GCN1: variants seen among roughly 807,000 people sequenced by gnomAD.
The protein encoded by GCN1 is stalled ribosome sensor GCN1.
A neutral mutation model predicts 288.4 loss-of-function variants in GCN1; 90 were observed. That is an observed-to-expected ratio of 0.31 (90% confidence interval 0.26 to 0.37). The LOEUF (loss-of-function observed/expected upper bound fraction) is 0.37. GCN1 is among the 10% of genes least tolerant of loss of function. GCN1 has a pLI of 1.00. For synonymous variants in GCN1, 1,386 were observed against 1,420.2 expected (o/e 0.98, Z 0.54); for missense variants, 2,586 against 3,419.9 (o/e 0.76, Z 6.08).
intron 45 of GCN1, among the ~76,000 whole-genome samples, chr12:120,139,418 G>T (rs567362473): frequency 6.6e-6 from 1 of 152,248 alleles, no homozygotes; most frequent in East Asian, 1.9e-4. Flanking sequence ...CTTGAGGCCA[G>T]GAGTTTGAGA....
chr12:120,148,073 G>T, intron 37 of GCN1, 94 bp downstream of exon 37: 1 of 863,154 alleles, frequency 1.2e-6, no homozygotes, highest in South Asian at 1.7e-5. Context: ...CGGAGGCAAA[G>T]ATCTTAGCTG....
chr12:120,129,470 T>C lies in GCN1; in HGVS notation c.7696A>G (p.Ile2566Val). 1.9e-6 allele frequency: 3 copies of C among 1,613,734 alleles called. No homozygotes were observed. Among genetic ancestry groups the C allele is most frequent in the Non-Finnish European group, 2.5e-6 (3 of 1,179,618 alleles). The change falls in exon 57 of 58, where the codon ATC becomes GTC. Residue 2566 changes from isoleucine (I) to valine (V), a missense_variant. Physicochemically the swap from Ile to Val is conservative, Grantham distance 29. Transcript: ENST00000300648. Reference sequence around the variant, plus strand: ...ATCATCTTCTCAGCCACCAGCCTGATGTCGCTGGATGGGTTCTGCAGACAC... The same window carrying C: ...ATCATCTTCTCAGCCACCAGCCTGACGTCGCTGGATGGGTTCTGCAGACAC... Reference protein sequence around the residue: ...VKCLQNPSSDIRLVAEKMIWW... With the variant: ...VKCLQNPSSDVRLVAEKMIWW...
intron 37 of GCN1, among the ~76,000 whole-genome samples, chr12:120,147,707 G>A (rs1877406973): frequency 6.6e-6 from 1 of 152,170 alleles, no homozygotes; most frequent in Non-Finnish European, 1.5e-5. Flanking sequence ...TACTGACTGG[G>A]CACTGGCAGC....
rs779047760 is a variant in GCN1, at chr12:120,127,867, G to A, written c.7998C>T (p.Asp2666=). ...ASQADSTEQV[D]DTILT ...AGGCCTCTCATGTCAGGATGGTGTC[G>A]TCCACCTGCTCCGTGGAGTCGGCCT... is the stretch of plus-strand genomic sequence containing the variant. Residue 2666 remains aspartate (D), a synonymous_variant, in exon 58 of 58, where the codon GAC becomes GAT. Transcript: ENST00000300648. The A allele has an allele frequency of 1.9e-5, 30 of 1,613,610 alleles. 1 individual carries two copies. Among genetic ancestry groups the A allele is most frequent in the African/African-American group, 1.1e-4 (8 of 74,924 alleles).
chr12:120,140,870 T>G lies in GCN1; in HGVS notation c.5983A>C (p.Ser1995Arg). The G allele has an allele frequency of 1.2e-6, 2 of 1,613,780 alleles. No individual in the cohort carries two copies. Among genetic ancestry groups the G allele is most frequent in the Non-Finnish European group, 1.7e-6 (2 of 1,179,840 alleles). The change falls in exon 45 of 58, where the codon AGC becomes CGC. Residue 1995 changes from serine (S) to arginine (R), a missense_variant. By Grantham distance (110) the Ser-to-Arg change is moderately radical. This residue lies in a region of GCN1 where 437 missense variants were observed against 570.5 expected (regional missense o/e 0.77). Transcript: ENST00000300648. ...IGLSEIMKST[S>R]RDAVLYFSES... The stretch of plus-strand genomic sequence containing the variant: ...TGGAAGATACTCACGGCATCCCGGC[T>G]GGTGGACTTCATGATCTCACTTAGG...
chr12:120,144,460 G>A lies in GCN1; in HGVS notation c.5353-12C>T. ...TCATCAGCAAGAGCCTGGGCACACAGAGGGTGGGTCAGCCAGAGCTGCCAC... is the reference window on the plus strand; with the variant it reads ...TCATCAGCAAGAGCCTGGGCACACAAAGGGTGGGTCAGCCAGAGCTGCCAC... On this transcript the variant is annotated splice_polypyrimidine_tract_variant and intron_variant, in intron 41 of 57. Coordinates refer to ENST00000300648, the MANE Select transcript of GCN1 (RefSeq NM_006836.2). This position sits in a 1 kb window ranked among gnomAD's most constrained non-coding sequence, Gnocchi z 4.7. The A allele has an allele frequency of 6.2e-7, 1 of 1,609,834 alleles. No homozygotes were observed. The highest frequency in any genetic ancestry group is 2.2e-5 in the East Asian group (1 of 44,806).
chr12:120,187,730 G>A (rs1384039761), intron 2 of GCN1, among the ~76,000 whole-genome samples: 1 of 151,916 alleles, frequency 6.6e-6, no homozygotes, highest in Non-Finnish European at 1.5e-5. Context: ...AAGTAGCTGG[G>A]GCTACAGCAC....
intron 16 of GCN1, among the ~76,000 whole-genome samples, chr12:120,167,710 T>C (rs1368939905): frequency 2.0e-5 from 3 of 152,182 alleles, no homozygotes; most frequent in African/African-American, 7.2e-5. Context: ...TGTAGCTCAT[T>C]AATGGGATGT....
intron 5 of GCN1, among the ~76,000 whole-genome samples, chr12:120,181,264 G>C (rs146359729): frequency 6.6e-6 from 1 of 151,440 alleles, no homozygotes; most frequent in South Asian, 2.1e-4. Flanking sequence ...CCAGGAGTTC[G>C]AGACCAACCC....
intron 35 of GCN1, 51 bp from the exon 36 acceptor site, chr12:120,149,771 C>T (rs752938304): frequency 6.5e-7 from 1 of 1,541,674 alleles, no homozygotes; most frequent in Non-Finnish European, 9.0e-7. Context: ...AAGCAAGGGG[C>T]AAGGCCTGAC....
chr12:120,153,194 CAGGCCAGAT>C lies in GCN1; in HGVS notation c.4062+10_4062+18del. On this transcript the variant is annotated intron_variant, in intron 33 of 57. Transcript: ENST00000300648. The surrounding 1 kb of genome is among the most constrained non-coding windows in gnomAD (Gnocchi z 4.4). ...AATTCTCTAACCGACATGTGGGTCC[CAGGCCAGAT>C]GGCAGGTACCTGCTGGGAGGGGGTG... 6.2e-7 allele frequency: 1 copy of C among 1,610,764 alleles called. No homozygotes were observed. Among genetic ancestry groups the C allele is most frequent in the Non-Finnish European group, 8.5e-7 (1 of 1,177,236 alleles).
chr12:120,194,088 T>C (rs1879092274), intron 1 of GCN1, among the ~76,000 whole-genome samples: 1 of 152,232 alleles, frequency 6.6e-6, no homozygotes, highest in Admixed American at 6.5e-5. Context: ...ACAACCAACA[T>C]ATATCAAGCC....
intron 2 of GCN1, among the ~76,000 whole-genome samples, chr12:120,189,489 A>G (rs1430175654): frequency 2.7e-5 from 4 of 150,616 alleles, no homozygotes; most frequent in African/African-American, 9.8e-5. Flanking sequence ...CAGCCTCCCT[A>G]GTAGCTGGGA....
chr12:120,175,100 C>G (rs1878435854), intron 12 of GCN1, 62 bp downstream of exon 12: 2 of 1,455,936 alleles, frequency 1.4e-6, no homozygotes, highest in Admixed American at 2.0e-5. Flanking sequence ...GCACTCTATC[C>G]TAGATGACAC....
At chr12:120,141,122 A>G (rs565976127) in intron 44 of GCN1, 99 bp from the exon 45 acceptor site, 1 of 983,398 alleles carries the variant, frequency 1.0e-6, no homozygotes, top group South Asian at 1.5e-5. Flanking sequence ...CCCAGGCTTT[A>G]TCTGAATCAC....
chr12:120,159,445 A>C (rs1877858223), intron 24 of GCN1, among the ~76,000 whole-genome samples: 1 of 152,172 alleles, frequency 6.6e-6, no homozygotes, highest in Non-Finnish European at 1.5e-5. Flanking sequence ...GAGGAAGCTA[A>C]AGGTCTCAAG....
intron 12 of GCN1, 124 bp downstream of exon 12, chr12:120,175,038 G>C: frequency 1.4e-6 from 1 of 740,154 alleles, no homozygotes; most frequent in South Asian, 1.7e-5. Flanking sequence ...GAGGCATGAG[G>C]ATCGCTTGAA....
chr12:120,154,898 A>T (rs1877688762), intron 31 of GCN1, 72 bp downstream of exon 31: 3 of 1,390,632 alleles, frequency 2.2e-6, no homozygotes, highest in Non-Finnish European at 3.1e-6. Flanking sequence ...CTGCCTCCTC[A>T]CAGCACCCAC....
chr12:120,175,581 C>T (rs1272060224), intron 11 of GCN1, among the ~76,000 whole-genome samples, 165 bp downstream of exon 11: 3 of 152,192 alleles, frequency 2.0e-5, no homozygotes, highest in African/African-American at 4.8e-5. Context: ...ACCCCGTGCA[C>T]GGTTTTGTTC....
Sources: allele counts gnomAD v4.1 joint callset (sites outside exome capture counted in the v4.1 genomes callset), GRCh38; gene constraint gnomAD v4.1.1; regional missense constraint gnomAD v4.1.1; non-coding constraint Gnocchi (gnomAD v3.1); transcripts MANE v1.5; gene names NCBI Gene and HGNC (gene_info 2026-07-23, HGNC 2026-07-21).